Variants in AP4E1 observed in about 807,000 individuals in gnomAD.
The protein encoded by AP4E1 is AP-4 complex subunit epsilon-1.
A neutral mutation model predicts 128.2 loss-of-function variants in AP4E1; 56 were observed. That is an observed-to-expected ratio of 0.44 (90% CI 0.35 to 0.55). The LOEUF (loss-of-function observed/expected upper bound fraction) is 0.55, where lower values mean the gene tolerates loss of function less well. AP4E1 is among the 20% of genes least tolerant of loss of function. The pLI, the probability that AP4E1 is intolerant of heterozygous loss-of-function variation, is 0.00. For missense variants in AP4E1, 1,324 were observed against 1,307.7 expected (o/e 1.01, Z -0.19); for synonymous variants, 484 against 473.1 (o/e 1.02, Z -0.30).
At chr15:50,982,017 G>A (rs1038159557) in intron 15 of AP4E1, among the ~76,000 whole-genome samples, 2 of 149,484 alleles carry the variant, frequency 1.3e-5, no homozygotes, top group Admixed American at 6.7e-5. Context: ...CACGGGAGGC[G>A]GAGGTTGTGG....
At chr15:50,935,679 C>A (rs890058783) in intron 8 of AP4E1, among the ~76,000 whole-genome samples, 5 of 152,136 alleles carry the variant, frequency 3.3e-5, no homozygotes, top group African/African-American at 1.2e-4. Flanking sequence ...AAATGAAGAG[C>A]ATTACTTTTT....
rs142277160 is a variant in AP4E1, at chr15:50,991,035, C to G, written c.2091-2335C>G. Among the ~76,000 whole-genome samples, 7 of 152,320 alleles carry G rather than the reference C, an allele frequency of 4.6e-5. No homozygotes were observed. In the East Asian group the frequency reaches 1.4e-3, roughly 29 times the overall value. ...ATGGGGAGCTCTGGAGCTGGAATGA[C>G]CCTTCAGAGTTGTGCTGAGTTGGAC... On this transcript the variant is annotated intron_variant, in intron 16 of 20. Transcript: ENST00000261842.
chr15:50,945,802 T>C lies in AP4E1; in HGVS notation c.1177-2218T>C, dbSNP rs1369049426. 5.2e-6 allele frequency: 4 copies of C among 762,528 alleles called. No individual in the cohort carries two copies. In the East Asian group the frequency reaches 7.3e-5, roughly 14 times the overall value. 47.2% of individuals were successfully genotyped at this position (762,528 alleles called of 1,614,324 possible). A position where few individuals can be genotyped will look rare whatever the true frequency, so the allele number is the denominator to read the frequency against. On this transcript the variant is annotated intron_variant, in intron 10 of 20. Coordinates refer to ENST00000261842, the MANE Select transcript of AP4E1 (RefSeq NM_007347.5). Reference sequence around the variant, plus strand: ...TTATAACTAGAAATTGAAGGAGAAATTTCAGCATCATCCTGATATAAAATG... The same window carrying C: ...TTATAACTAGAAATTGAAGGAGAAACTTCAGCATCATCCTGATATAAAATG...
At chr15:50,995,573 A>T (rs2064857765) in intron 17 of AP4E1, among the ~76,000 whole-genome samples, 3 of 151,860 alleles carry the variant, frequency 2.0e-5, no homozygotes, top group Admixed American at 2.0e-4. Flanking sequence ...TTTAGTAGAG[A>T]TGGGGTTTCA....
chr15:50,998,041 GAATA>G (rs1412026204), intron 18 of AP4E1, among the ~76,000 whole-genome samples, 158 bp downstream of exon 18: 1 of 152,154 alleles, frequency 6.6e-6, no homozygotes, highest in Non-Finnish European at 1.5e-5. Flanking sequence ...GGATATTGAA[GAATA>G]AATGTGTATA....
At chr15:50,965,924 C>CT (rs994812361) in intron 14 of AP4E1, among the ~76,000 whole-genome samples, 58 of 147,812 alleles carry the variant, frequency 3.9e-4, no homozygotes, top group East Asian at 5.9e-4. Flanking sequence ...AGAAAACTTT[C>CT]TTTTTTTTTT....
intron 16 of AP4E1, among the ~76,000 whole-genome samples, chr15:50,988,224 G>A (rs183404243): frequency 2.0e-5 from 3 of 152,156 alleles, no homozygotes; most frequent in East Asian, 1.9e-4. Context: ...TGAAAATATC[G>A]TAAGTCAGAA....
At chr15:50,953,224 T>G (rs2064174872) in intron 13 of AP4E1, among the ~76,000 whole-genome samples, 1 of 152,238 alleles carries the variant, frequency 6.6e-6, no homozygotes, top group Non-Finnish European at 1.5e-5. Flanking sequence ...GAATTGATTA[T>G]TGGTTTCTGT....
rs780730398 is a variant in AP4E1, at chr15:50,950,277, G to C, written c.1548+108G>C. 10 of 746,878 alleles carry C rather than the reference G, an allele frequency of 1.3e-5. No individual in the cohort carries two copies. The South Asian group carries it at 1.9e-4, about 14-fold the overall frequency. The allele number at this position is 746,878 out of a possible 1,614,324, so 46.3% of individuals were successfully genotyped here. Reference sequence around the variant, plus strand: ...TCGCTTTACTCAGCTAACTCCTTCAGCTGTCAATTTTTCAAATGGCCACCA... The same window carrying C: ...TCGCTTTACTCAGCTAACTCCTTCACCTGTCAATTTTTCAAATGGCCACCA... On this transcript the variant is annotated intron_variant, in intron 13 of 20. Transcript: ENST00000261842.
chr15:50,908,322 G>T (rs1369254387), upstream of AP4E1, among the ~76,000 whole-genome samples: 1 of 152,204 alleles, frequency 6.6e-6, no homozygotes, highest in East Asian at 1.9e-4. Flanking sequence ...CGCGCGCTCC[G>T]GGGACAGTGA....
In AP4E1 at chr15:50,945,767, C is replaced by A. The variant is rs2064053116; in HGVS notation, c.1177-2253C>A. The A allele has an allele frequency of 3.9e-6, 3 of 763,420 alleles. No homozygotes were observed. The Admixed American group carries it at 5.8e-5, about 15-fold the overall frequency. 47.3% of individuals were successfully genotyped at this position (763,420 alleles called of 1,614,324 possible). On this transcript the variant is annotated intron_variant, in intron 10 of 20. Coordinates refer to ENST00000261842, the MANE Select transcript of AP4E1 (RefSeq NM_007347.5). ...GGTGTGCTTACATCATGAGAAAAAG[C>A]AGCTAAGGATTATAACTAGAAATTG...
At chr15:50,969,931 C>T (rs528097545) in intron 15 of AP4E1, among the ~76,000 whole-genome samples, 49 of 152,206 alleles carry the variant, frequency 3.2e-4, no homozygotes, top group South Asian at 8.3e-4. Flanking sequence ...AGTGCTGGGA[C>T]TACCGGCGTG....
chr15:50,966,065 G>A (rs182463491), intron 14 of AP4E1, among the ~76,000 whole-genome samples: 98 of 152,028 alleles, frequency 6.4e-4, no homozygotes, highest in South Asian at 1.0e-3. Flanking sequence ...CTACAGGTGC[G>A]CGCCACCACG....
chr15:50,994,139 A>G (rs1291863978), intron 17 of AP4E1, among the ~76,000 whole-genome samples: 1 of 152,244 alleles, frequency 6.6e-6, no homozygotes, highest in African/African-American at 2.4e-5. Flanking sequence ...ATAAAGTTTT[A>G]TTTATGCCTT....
chr15:50,935,330 A>G (rs1328941738), intron 8 of AP4E1, among the ~76,000 whole-genome samples: 2 of 149,706 alleles, frequency 1.3e-5, no homozygotes, highest in African/African-American at 5.1e-5. Context: ...GCAGGAATAT[A>G]TAGACGTGGA....
chr15:50,960,959 T>A (rs1303521987), intron 14 of AP4E1, among the ~76,000 whole-genome samples: 1 of 151,934 alleles, frequency 6.6e-6, no homozygotes, highest in East Asian at 1.9e-4. Context: ...ATGGCTACCA[T>A]AGAAATATAA....
rs2064982716 is a variant in AP4E1 at position 51,002,986 on chromosome 15, T to TAA, written c.*325_*326insAA. On this transcript the variant is annotated 3_prime_UTR_variant, in exon 21 of 21. Coordinates refer to ENST00000261842, the MANE Select transcript of AP4E1 (RefSeq NM_007347.5). ...GTTATAAATAATTTTATAGCACGTT[T>TAA]ACTCTAGTGCTAGCTAATTTGTAAT... 1 of 249,826 alleles carries TAA rather than the reference T, an allele frequency of 4.0e-6. No homozygotes were observed. The highest frequency in any genetic ancestry group is 2.3e-5 in the African/African-American group (1 of 44,308). The allele number at this position is 249,826 out of a possible 1,614,324, so 15.5% of individuals were successfully genotyped here. A position where few individuals can be genotyped will look rare whatever the true frequency, so the allele number is the denominator to read the frequency against.
intron 15 of AP4E1, among the ~76,000 whole-genome samples, chr15:50,983,812 A>G (rs2064676869): frequency 6.6e-6 from 1 of 152,082 alleles, no homozygotes; most frequent in African/African-American, 2.4e-5. Context: ...GTCTTTAATC[A>G]CCTAGTAATA....
intron 11 of AP4E1, among the ~76,000 whole-genome samples, chr15:50,948,411 C>A (rs896176198): frequency 3.4e-5 from 5 of 145,648 alleles, no homozygotes; most frequent in African/African-American, 1.3e-4. Flanking sequence ...GATAGAGGAA[C>A]CTTTATCCTC....
Sources: gnomAD v4.1 joint callset for allele counts (sites outside exome capture counted in the v4.1 genomes callset) on GRCh38, gnomAD v4.1.1 for gene constraint, MANE v1.5 for transcripts, NCBI Gene and HGNC (gene_info 2026-07-23, HGNC 2026-07-21) for gene names.